The following TMEM35A variants were observed in gnomAD, a reference collection of about 807,000 sequenced individuals.
The protein encoded by TMEM35A is transmembrane protein 35A.
For missense variants in TMEM35A, 83 were observed against 132.7 expected (o/e 0.63, Z 1.84); for synonymous variants, 50 against 54.7 (o/e 0.91, Z 0.38).
Position 101,078,944 on chromosome X carries a change from C to G in TMEM35A, c.-59C>G, listed in dbSNP as rs1030191418. Reference sequence around the variant, plus strand: ...CTCTCCCTGTGCTAACTGCCTGCACCTTGGACAGAGCGGGTGCGCAAATCA... The same window carrying G: ...CTCTCCCTGTGCTAACTGCCTGCACGTTGGACAGAGCGGGTGCGCAAATCA... On this transcript the variant is annotated 5_prime_UTR_variant, in exon 1 of 2. Transcript: ENST00000372930. The G allele has an allele frequency of 8.3e-7, 1 of 1,206,619 alleles. No individual in the cohort carries two copies.
chrX:101,080,255 C>T (rs182450093), intron 1 of TMEM35A, among the ~76,000 whole-genome samples: 6,326 of 111,270 alleles, frequency 0.057, 169 homozygotes, highest in Middle Eastern at 0.1. Flanking sequence ...TCACACATTG[C>T]GAGGAATTCA....
chrX:101,084,861 T>C (rs2089302404), intron 1 of TMEM35A, among the ~76,000 whole-genome samples: 1 of 109,685 alleles, frequency 9.1e-6, no homozygotes, highest in Non-Finnish European at 1.9e-5. Context: ...TTAGACTCCA[T>C]CTCAAAAAAC....
intron 1 of TMEM35A, among the ~76,000 whole-genome samples, chrX:101,086,186 T>C (rs1029757745): frequency 1.8e-5 from 2 of 111,617 alleles, no homozygotes; most frequent in African/African-American, 6.5e-5. Context: ...AATGGCATGG[T>C]CTCGGCTCAC....
At chrX:101,093,282 T>A (rs1370651338) in intron 1 of TMEM35A, among the ~76,000 whole-genome samples, 2 of 111,519 alleles carry the variant, frequency 1.8e-5, no homozygotes, top group African/African-American at 6.5e-5. Flanking sequence ...TTTTAAAAAA[T>A]TCTTTTTATT....
chrX:101,093,314 A>G (rs1273807613), intron 1 of TMEM35A, among the ~76,000 whole-genome samples: 2 of 110,575 alleles, frequency 1.8e-5, no homozygotes, highest in Non-Finnish European at 3.8e-5. Flanking sequence ...TTGCTTATTT[A>G]TTTATTTATT....
At chrX:101,082,133 C>CTTTTTTTTTTTTTTTTT in intron 1 of TMEM35A, among the ~76,000 whole-genome samples, 9 of 20,463 alleles carry the variant, frequency 4.4e-4, no homozygotes, top group African/African-American at 6.6e-4. Context: ...TTCTTTCTTT[C>CTTTTTTTTTTTTTTTTT]TTTTTTTTTT....
At position 101,095,869 on chromosome X, in the gene TMEM35A, G is replaced by A. The variant is rs957571289; in HGVS notation, c.*913G>A. The A allele has an allele frequency of 4.5e-5, 5 of 111,991 alleles. No homozygotes were observed. Among genetic ancestry groups the A allele is most frequent in the African/African-American group, 1.3e-4 (4 of 30,823 alleles). 9.2% of individuals were successfully genotyped at this position (111,991 alleles called of 1,213,427 possible). A position where few individuals can be genotyped will look rare whatever the true frequency, so the allele number is the denominator to read the frequency against. On this transcript the variant is annotated 3_prime_UTR_variant, in exon 2 of 2. Coordinates refer to ENST00000372930, the MANE Select transcript of TMEM35A (RefSeq NM_021637.3). ...ACCAGGATTTGGCAGCTGCTCCACTGTTACGGTTGAGGGAACAGGGATCAG... is the reference window on the plus strand; with the variant it reads ...ACCAGGATTTGGCAGCTGCTCCACTATTACGGTTGAGGGAACAGGGATCAG...
chrX:101,091,728 C>A (rs7883409), intron 1 of TMEM35A, among the ~76,000 whole-genome samples: 7,477 of 111,696 alleles, frequency 0.067, 645 homozygotes, highest in African/African-American at 0.23. Context: ...TTCATGTCTC[C>A]CCTCCTTCCC....
chrX:101,085,782 A>C (rs951361386), intron 1 of TMEM35A, among the ~76,000 whole-genome samples: 34 of 104,827 alleles, frequency 3.2e-4, no homozygotes, highest in African/African-American at 5.2e-4. Flanking sequence ...CACACACACA[A>C]AAAAATTAGC....
intron 1 of TMEM35A, among the ~76,000 whole-genome samples, chrX:101,087,026 G>A (rs2089309437): frequency 9.8e-6 from 1 of 102,025 alleles, no homozygotes; most frequent in Admixed American, 1.1e-4. Context: ...GTGTGGCCTC[G>A]GCTCACTGCG....
At position 101,094,885 on chromosome X, in the gene TMEM35A, T is replaced by C. The variant is rs140684424; in HGVS notation, c.433T>C (p.Leu145=). ...PEDRSSEKKP[L]PGNAEEQPSL... is the part of the protein sequence containing the mutation. Reference sequence around the variant, plus strand: ...AGACCGGTCTTCTGAGAAGAAGCCTTTGCCAGGGAATGCTGAGGAGCAACC... The same window carrying C: ...AGACCGGTCTTCTGAGAAGAAGCCTCTGCCAGGGAATGCTGAGGAGCAACC... Residue 145 remains leucine (L), a synonymous_variant, in exon 2 of 2, where the codon TTG becomes CTG. Transcript: ENST00000372930. 1 of 1,207,631 alleles carries C rather than the reference T, an allele frequency of 8.3e-7. No individual in the cohort carries two copies. The highest frequency in any genetic ancestry group is 1.8e-5 in the African/African-American group (1 of 57,022).
chrX:101,093,217 C>T (rs770258035), intron 1 of TMEM35A, among the ~76,000 whole-genome samples: 5 of 112,161 alleles, frequency 4.5e-5, no homozygotes, highest in African/African-American at 1.6e-4. Flanking sequence ...ACAAAGCAGG[C>T]ACTAGAAAAT....
At chrX:101,091,079 G>A (rs1284829045) in intron 1 of TMEM35A, among the ~76,000 whole-genome samples, 1 of 110,413 alleles carries the variant, frequency 9.1e-6, no homozygotes, top group African/African-American at 3.3e-5. Flanking sequence ...GACCTCAGGC[G>A]ATCCACCCGC....
chrX:101,089,684 G>T lies in TMEM35A; in HGVS notation c.121-4889G>T, dbSNP rs185120962. On this transcript the variant is annotated intron_variant, in intron 1 of 1. Coordinates refer to ENST00000372930, the MANE Select transcript of TMEM35A (RefSeq NM_021637.3). ...GGGAGAATTGCTTTTGAGCCCCAGA[G>T]GTAGAGGCCGTAGTGAGCTCTGATC... Among the ~76,000 whole-genome samples the T allele has an allele frequency of 5.4e-3, 577 of 107,592 alleles. 2 individuals are homozygous for T. The highest frequency in any genetic ancestry group is 8.2e-3 in the Non-Finnish European group (428 of 52,156). The allele number at this position is 107,592 out of a possible 115,157, so 93.4% of individuals were successfully genotyped here. A position where few individuals can be genotyped will look rare whatever the true frequency, so the allele number is the denominator to read the frequency against.
intron 1 of TMEM35A, among the ~76,000 whole-genome samples, chrX:101,083,477 G>A (rs1267466033): frequency 9.0e-6 from 1 of 111,645 alleles, no homozygotes; most frequent in Non-Finnish European, 1.9e-5. Context: ...CATAGTAAAG[G>A]TTTGTTGATT....
Position 101,078,927 on chromosome X carries a change from G to T in TMEM35A, c.-76G>T. 8.4e-7 allele frequency: 1 copy of T among 1,185,017 alleles called. No homozygotes were observed. Among genetic ancestry groups the T allele is most frequent in the South Asian group, 1.8e-5 (1 of 54,640 alleles). ...CCGCAGCGTCCCCCCAGCTCTCCCT[G>T]TGCTAACTGCCTGCACCTTGGACAG... On this transcript the variant is annotated 5_prime_UTR_variant, in exon 1 of 2. Coordinates refer to ENST00000372930, the MANE Select transcript of TMEM35A (RefSeq NM_021637.3).
chrX:101,079,093 A>T lies in TMEM35A; in HGVS notation c.91A>T (p.Arg31Trp). Residue 31 changes from arginine to tryptophan, a missense_variant, in exon 1 of 2, where the codon AGG becomes TGG. Transcript: ENST00000372930. ...CATGGGGACTATCAAGCTGACCCCC[A>T]GGCTCAGCAAGGATGCCTACAGTGA... ...VFMGTIKLTP[R>W]LSKDAYSEMK... The T allele has an allele frequency of 8.3e-7, 1 of 1,210,883 alleles. No homozygotes were observed. The highest frequency in any genetic ancestry group is 1.8e-5 in the South Asian group (1 of 56,846).
At chrX:101,080,143 T>C (rs190228109) in intron 1 of TMEM35A, among the ~76,000 whole-genome samples, 130 of 111,196 alleles carry the variant, frequency 1.2e-3, no homozygotes, top group Non-Finnish European at 2.2e-3. Flanking sequence ...GAGCACATCA[T>C]TGGGCTCTCA....
rs936139410 is a variant in TMEM35A at position 101,095,315 on chromosome X, G to A, written c.*359G>A. 21 of 122,800 alleles carry A rather than the reference G, an allele frequency of 1.7e-4. No homozygotes were observed. Among genetic ancestry groups the A allele is most frequent in the South Asian group, 5.6e-4 (2 of 3,540 alleles). The allele number at this position is 122,800 out of a possible 1,213,427, so 10.1% of individuals were successfully genotyped here. A position where few individuals can be genotyped will look rare whatever the true frequency, so the allele number is the denominator to read the frequency against. On this transcript the variant is annotated 3_prime_UTR_variant, in exon 2 of 2. Transcript: ENST00000372930. The stretch of plus-strand genomic sequence containing the variant: ...TGTGTGTGTGTGTGTGTGTGTGCGC[G>A]CGCGCGCGCACGCGCACACACTCAC...
Sources: allele counts gnomAD v4.1 joint callset (sites outside exome capture counted in the v4.1 genomes callset), GRCh38; gene constraint gnomAD v4.1.1; transcripts MANE v1.5; gene names NCBI Gene and HGNC (gene_info 2026-07-23, HGNC 2026-07-21).